ATP2C1: variants seen among roughly 807,000 people sequenced by gnomAD.
ATP2C1 encodes the protein ATPase secretory pathway Ca2+ transporting 1.
Under a neutral mutation model 120.5 loss-of-function variants are expected in ATP2C1, and 31 were observed. That is an observed-to-expected ratio of 0.26 (90% CI 0.19 to 0.35). ATP2C1 has a LOEUF of 0.35. Ranked by LOEUF, ATP2C1 falls within the 10% of genes least tolerant of loss-of-function variation. The pLI is 1.00. For missense variants in ATP2C1, 731 were observed against 1,107.5 expected (o/e 0.66, Z 4.83); for synonymous variants, 351 against 358.7 (o/e 0.98, Z 0.24).
At position 130,940,688 on chromosome 3, in the gene ATP2C1, A is replaced by G. The variant is rs745562200; in HGVS notation, c.419A>G (p.His140Arg). 12 of 1,610,538 alleles carry G rather than the reference A, an allele frequency of 7.5e-6. No homozygotes were observed. The South Asian group carries it at 1.2e-4, about 16-fold the overall frequency. Reference sequence around the variant, plus strand: ...AGTAAACTTGTGCCACCAGAATGCCATTGGTATGATCCTTTTTTTGGTATG... The same window carrying G: ...AGTAAACTTGTGCCACCAGAATGCCGTTGGTATGATCCTTTTTTTGGTATG... ...ELSKLVPPEC[H>R]CVREGKLEHT... The change falls in exon 7 of 28, where the codon CAT (histidine) becomes CGT (arginine). Residue 140 changes from histidine to arginine, a missense_variant. His to Arg is a conservative substitution (Grantham distance 29, BLOSUM62 0). Coordinates refer to ENST00000510168, the MANE Select transcript of ATP2C1 (RefSeq NM_001378687.1).
intron 2 of ATP2C1, among the ~76,000 whole-genome samples, chr3:130,913,793 TA>T (rs374654791): frequency 1.3e-5 from 2 of 152,220 alleles, no homozygotes; most frequent in African/African-American, 4.8e-5. Context: ...CTGACTAATT[TA>T]AATATTGTAC....
chr3:130,966,779 T>C (rs2061062820), intron 14 of ATP2C1, among the ~76,000 whole-genome samples: 1 of 152,210 alleles, frequency 6.6e-6, no homozygotes, highest in Non-Finnish European at 1.5e-5. Context: ...CACAGCTTTG[T>C]GTTGTATGTT....
chr3:130,969,433 A>G (rs2061194594), intron 17 of ATP2C1, 37 bp downstream of exon 17: 1 of 1,511,148 alleles, frequency 6.6e-7, no homozygotes. Context: ...TTTCCTGTTT[A>G]GCTTAGATGA....
At chr3:130,913,568 G>C (rs571393842) in intron 2 of ATP2C1, among the ~76,000 whole-genome samples, 1 of 152,204 alleles carries the variant, frequency 6.6e-6, no homozygotes, top group East Asian at 1.9e-4. Context: ...TTAAATGATT[G>C]TTTTCTCCTT....
At chr3:130,998,266 A>G in intron 25 of ATP2C1, 28 bp from the exon 26 acceptor site, 2 of 1,481,648 alleles carry the variant, frequency 1.3e-6, no homozygotes, top group East Asian at 2.3e-5. Flanking sequence ...AGCCACTGAA[A>G]AGTAATTTTG....
chr3:130,889,517 T>C (rs1367477845), upstream of ATP2C1, among the ~76,000 whole-genome samples: 2 of 152,184 alleles, frequency 1.3e-5, no homozygotes, highest in African/African-American at 4.8e-5. Context: ...CAATTTTATC[T>C]GCTCTGGGCA....
At chr3:130,923,517 T>C (rs1465736043) in intron 2 of ATP2C1, among the ~76,000 whole-genome samples, 6 of 149,944 alleles carry the variant, frequency 4.0e-5, no homozygotes, top group Non-Finnish European at 7.4e-5. Flanking sequence ...ACACCTGGCC[T>C]CCTTTGTCCT....
At chr3:130,939,480 T>C (rs890473197) in intron 6 of ATP2C1, among the ~76,000 whole-genome samples, 4 of 152,228 alleles carry the variant, frequency 2.6e-5, no homozygotes, top group Admixed American at 2.0e-4. Flanking sequence ...TTTTAGGTGG[T>C]ATGTTTAATG....
At chr3:130,981,274 C>A (rs2061751659) in intron 20 of ATP2C1, among the ~76,000 whole-genome samples, 1 of 152,120 alleles carries the variant, frequency 6.6e-6, no homozygotes, top group Non-Finnish European at 1.5e-5. Context: ...TTCTAGAATG[C>A]ACTAAAAATT....
At chr3:130,883,355 T>C (rs1389912735) in intron 1 of ATP2C1, among the ~76,000 whole-genome samples, 1 of 152,208 alleles carries the variant, frequency 6.6e-6, no homozygotes, top group East Asian at 1.9e-4. Flanking sequence ...TCTGCTCTGA[T>C]CTTTATTACT....
chr3:130,982,660 C>A (rs879355901), intron 20 of ATP2C1, among the ~76,000 whole-genome samples: 18 of 152,176 alleles, frequency 1.2e-4, no homozygotes, highest in Admixed American at 1.1e-3. Flanking sequence ...ATAAAATGTG[C>A]TACCTCCTCC....
In ATP2C1 at chr3:130,975,495, C is replaced by T; in HGVS notation, c.1570+7C>T. The T allele has an allele frequency of 6.2e-7, 1 of 1,613,194 alleles. No homozygotes were observed. The highest frequency in any genetic ancestry group is 1.1e-5 in the South Asian group (1 of 91,032). The stretch of plus-strand genomic sequence containing the variant: ...GGCTCAGCGGGACTCAGAGGTAAGG[C>T]TATTTCAGCATAGTCCCCTGGGGTG... On this transcript the variant is annotated splice_region_variant and intron_variant, in intron 18 of 27. Coordinates refer to ENST00000510168, the MANE Select transcript of ATP2C1 (RefSeq NM_001378687.1).
At chr3:130,989,860 G>C (rs1353783385) in intron 20 of ATP2C1, among the ~76,000 whole-genome samples, 1 of 152,180 alleles carries the variant, frequency 6.6e-6, no homozygotes, top group Non-Finnish European at 1.5e-5. Context: ...GCAGTAATTA[G>C]AGTTTTCACT....
rs554522998 is a variant in ATP2C1, at chr3:130,894,809, A to G, written c.6+34A>G. ...CCCTGGCCGACCGGTTGCAACGCGG[A>G]GTTGAGGGTGTGGTGGTTTGCTTTT... On this transcript the variant is annotated intron_variant, in intron 2 of 27. Transcript: ENST00000510168. The surrounding 1 kb of genome is among the most constrained non-coding windows in gnomAD (Gnocchi z 4.5). 1.9e-6 allele frequency: 3 copies of G among 1,590,604 alleles called. No homozygotes were observed. The highest frequency in any genetic ancestry group is 2.6e-6 in the Non-Finnish European group (3 of 1,158,566).
chr3:130,902,217 C>G (rs771543856), intron 2 of ATP2C1, among the ~76,000 whole-genome samples: 1 of 150,744 alleles, frequency 6.6e-6, no homozygotes, highest in Non-Finnish European at 1.5e-5. Flanking sequence ...ATTTCCCTTA[C>G]CTTACTTGAT....
chr3:130,894,619 C>G lies in ATP2C1; in HGVS notation c.-151C>G. The G allele has an allele frequency of 1.9e-6, 3 of 1,588,088 alleles. No individual in the cohort carries two copies. The South Asian group carries it at 3.4e-5, about 18-fold the overall frequency. ...TGCTGCTAGGGGTGGTGGGAGCAGC[C>G]GTGGGACGCGTGGCCGGGAGCGGGG... On this transcript the variant is annotated 5_prime_UTR_variant, in exon 2 of 28. Transcript: ENST00000510168. This position sits in a 1 kb window ranked among gnomAD's most constrained non-coding sequence, Gnocchi z 4.5.
At chr3:130,942,124 C>T (rs2059947817) in intron 8 of ATP2C1, among the ~76,000 whole-genome samples, 1 of 152,204 alleles carries the variant, frequency 6.6e-6, no homozygotes, top group African/African-American at 2.4e-5. Flanking sequence ...ATGCCTCAGA[C>T]CACATGGCTT....
intron 8 of ATP2C1, among the ~76,000 whole-genome samples, chr3:130,944,387 C>T (rs545299426): frequency 2.0e-5 from 3 of 152,282 alleles, no homozygotes; most frequent in Admixed American, 2.0e-4. Context: ...TTCACAGTTA[C>T]GGAGGCTGGA....
chr3:130,884,523 TG>T (rs751620353), intron 1 of ATP2C1, among the ~76,000 whole-genome samples: 16 of 152,342 alleles, frequency 1.1e-4, no homozygotes, highest in Non-Finnish European at 1.6e-4. Flanking sequence ...TAGGTCCACT[TG>T]GTCTACAGTG....
Sources: allele counts gnomAD v4.1 joint callset (sites outside exome capture counted in the v4.1 genomes callset), GRCh38; gene constraint gnomAD v4.1.1; non-coding constraint Gnocchi (gnomAD v3.1); transcripts MANE v1.5; gene names NCBI Gene and HGNC (gene_info 2026-07-23, HGNC 2026-07-21).